Variants in PCDH15 observed in about 807,000 individuals in gnomAD.
The protein encoded by PCDH15 is protocadherin related 15.
PCDH15 carries 129 observed loss-of-function variants against 178.5 expected under a neutral mutation model. That is an observed-to-expected ratio of 0.72 (90% confidence interval 0.63 to 0.84). The LOEUF is 0.84. Ranked by LOEUF, PCDH15 falls within the 40% of genes least tolerant of loss-of-function variation. PCDH15 has a pLI of 0.00. For missense variants in PCDH15, 2,230 were observed against 2,099.9 expected (o/e 1.06, Z -1.21); for synonymous variants, 800 against 732.0 (o/e 1.09, Z -1.50).
At chr10:55,585,404 C>T (rs1017800925) in intron 2 of PCDH15, among the ~76,000 whole-genome samples, 5 of 152,132 alleles carry the variant, frequency 3.3e-5, no homozygotes, top group Non-Finnish European at 5.9e-5. Flanking sequence ...TCTGGCCGGG[C>T]GCGTTGGCTC....
At chr10:54,495,561 G>A (rs990566509) in intron 3 of PCDH15, among the ~76,000 whole-genome samples, 1 of 152,114 alleles carries the variant, frequency 6.6e-6, no homozygotes, top group Non-Finnish European at 1.5e-5. Context: ...TAATTTCCTT[G>A]AGAAGAATGC....
intron 2 of PCDH15, among the ~76,000 whole-genome samples, chr10:54,918,657 A>T (rs1236381118): frequency 6.6e-6 from 1 of 152,162 alleles, no homozygotes; most frequent in African/African-American, 2.4e-5. Context: ...TTCTAATTGC[A>T]TGTAGCTACA....
chr10:54,204,684 T>C (rs777041096), intron 10 of PCDH15, among the ~76,000 whole-genome samples: 4 of 152,090 alleles, frequency 2.6e-5, no homozygotes, highest in Non-Finnish European at 2.9e-5. Context: ...TAAACTAGGA[T>C]ACGGGCGCTC....
chr10:55,328,425 A>G (rs1223462616), intron 2 of PCDH15, among the ~76,000 whole-genome samples: 3 of 151,834 alleles, frequency 2.0e-5, no homozygotes, highest in Non-Finnish European at 4.4e-5. Context: ...ACATTTTACT[A>G]TACTGAATAC....
intron 1 of PCDH15, among the ~76,000 whole-genome samples, chr10:55,170,941 T>C (rs1839316725): frequency 6.6e-6 from 1 of 152,068 alleles, no homozygotes; most frequent in Admixed American, 6.5e-5. Context: ...CTTAGTATAT[T>C]TTCTTTTTTG....
chr10:54,687,134 C>T (rs1262818810), intron 1 of PCDH15, among the ~76,000 whole-genome samples: 2 of 152,036 alleles, frequency 1.3e-5, no homozygotes, highest in African/African-American at 4.8e-5. Flanking sequence ...GAAATCAAAA[C>T]AATAAAACCC....
At chr10:55,245,749 A>T (rs1424577058) in intron 1 of PCDH15, among the ~76,000 whole-genome samples, 1 of 152,214 alleles carries the variant, frequency 6.6e-6, no homozygotes, top group Non-Finnish European at 1.5e-5. Context: ...CAACCCTATT[A>T]GATCTAATGC....
At chr10:55,463,883 AAGAGAGG>A (rs1839735309) in intron 2 of PCDH15, among the ~76,000 whole-genome samples, 3 of 53,516 alleles carry the variant, frequency 5.6e-5, no homozygotes, top group African/African-American at 3.7e-4. Flanking sequence ...GAGAGAGAGA[AAGAGAGG>A]GAGAGAGAGA....
intron 3 of PCDH15, among the ~76,000 whole-genome samples, chr10:54,405,981 C>G (rs1952617095): frequency 6.6e-6 from 1 of 151,814 alleles, no homozygotes; most frequent in South Asian, 2.1e-4. Context: ...TTTTTTCTGG[C>G]CCAACCCAAA....
chr10:54,215,629 C>A (rs2051937535), intron 9 of PCDH15, among the ~76,000 whole-genome samples: 1 of 152,072 alleles, frequency 6.6e-6, no homozygotes, highest in Admixed American at 6.6e-5. Flanking sequence ...CTAACTATGG[C>A]TCAAAGTCAA....
At chr10:55,028,267 T>C (rs1840525513) in intron 2 of PCDH15, among the ~76,000 whole-genome samples, 1 of 151,848 alleles carries the variant, frequency 6.6e-6, no homozygotes, top group Non-Finnish European at 1.5e-5. Flanking sequence ...ACCAAATCTT[T>C]GTGATTCCCA....
At chr10:55,341,788 TATATATATATATA>T (rs1844579721) in intron 2 of PCDH15, among the ~76,000 whole-genome samples, 1 of 12,246 alleles carries the variant, frequency 8.2e-5, no homozygotes, top group African/African-American at 3.8e-4. Context: ...TATATATATA[TATATATATATATA>T]TATATTTTTT....
chr10:54,402,481 A>T lies in PCDH15; in HGVS notation c.158-23539T>A, dbSNP rs557327127. 2.0e-5 allele frequency among the ~76,000 whole-genome samples: 3 copies of T among 152,100 alleles called. No homozygotes were observed. The South Asian group carries it at 6.2e-4, about 32-fold the overall frequency. On this transcript the variant is annotated intron_variant, in intron 3 of 37. Transcript: ENST00000644397. ...TAGGCCACCTTTTATTGCTTTCTTTATTAGTTTATTGAACTCCATAAATAC... is the reference window on the plus strand; with the variant it reads ...TAGGCCACCTTTTATTGCTTTCTTTTTTAGTTTATTGAACTCCATAAATAC...
At chr10:54,803,081 G>A (rs574110231), upstream of PCDH15, among the ~76,000 whole-genome samples, 77 of 152,198 alleles carry the variant, frequency 5.1e-4, no homozygotes, top group South Asian at 0.014. Flanking sequence ...TAAGCAAAAT[G>A]GAGTCACTGT....
At chr10:55,068,485 G>T (rs903232160) in intron 2 of PCDH15, among the ~76,000 whole-genome samples, 2 of 151,954 alleles carry the variant, frequency 1.3e-5, no homozygotes, top group African/African-American at 4.8e-5. Flanking sequence ...ATGCTCTTTT[G>T]TTCACCATAG....
At chr10:55,237,607 T>C (rs1035949478) in intron 1 of PCDH15, among the ~76,000 whole-genome samples, 4 of 151,758 alleles carry the variant, frequency 2.6e-5, no homozygotes, top group Non-Finnish European at 4.4e-5. Context: ...AATTTGATGC[T>C]GTATAATTCT....
intron 3 of PCDH15, among the ~76,000 whole-genome samples, chr10:54,461,634 G>A (rs2077172002): frequency 6.6e-6 from 1 of 152,082 alleles, no homozygotes; most frequent in South Asian, 2.1e-4. Context: ...GGCAAACTGT[G>A]TGCAAATATT....
At chr10:55,176,375 A>G (rs1023992226) in intron 1 of PCDH15, among the ~76,000 whole-genome samples, 1 of 151,926 alleles carries the variant, frequency 6.6e-6, no homozygotes. Context: ...TCCAGGGTAT[A>G]CTCTTTGTCT....
intron 2 of PCDH15, among the ~76,000 whole-genome samples, chr10:55,095,130 C>T (rs1243245025): frequency 6.6e-6 from 1 of 151,602 alleles, no homozygotes; most frequent in Non-Finnish European, 1.5e-5. Flanking sequence ...TTTGTAGAGA[C>T]GTGGTCTCCT....
Sources: allele counts gnomAD v4.1 joint callset (sites outside exome capture counted in the v4.1 genomes callset), GRCh38; gene constraint gnomAD v4.1.1; transcripts MANE v1.5; gene names NCBI Gene and HGNC (gene_info 2026-07-23, HGNC 2026-07-21).